PXDNL: variants seen among roughly 807,000 people sequenced by gnomAD.
PXDNL encodes the protein peroxidasin like.
In PXDNL, 145 loss-of-function variants were observed where a neutral mutation model predicts 150.8. The ratio of observed to expected loss-of-function variants is 0.96; its 90% CI spans 0.84 to 1.10. PXDNL has a LOEUF of 1.10. Among genes scored for constraint, PXDNL ranks in the 50% least tolerant of loss-of-function variants. The pLI is 0.00. For synonymous variants in PXDNL, 757 were observed against 725.7 expected (o/e 1.04, Z -0.69); for missense variants, 2,087 against 1,873.9 (o/e 1.11, Z -2.10).
intron 1 of PXDNL, among the ~76,000 whole-genome samples, chr8:51,761,598 T>G (rs567632782): frequency 6.6e-6 from 1 of 152,310 alleles, no homozygotes; most frequent in East Asian, 1.9e-4. Context: ...TTAAAGCTCT[T>G]AATAGATTTG....
At chr8:51,431,771 C>T (rs568422932) in intron 12 of PXDNL, among the ~76,000 whole-genome samples, 7 of 152,326 alleles carry the variant, frequency 4.6e-5, no homozygotes, top group Admixed American at 6.5e-5. Flanking sequence ...CTTAGGTCCA[C>T]GCTCAGAAAC....
At position 51,538,582 on chromosome 8, in the gene PXDNL, A is replaced by G. The variant is rs530823532; in HGVS notation, c.380+18258T>C. ...AGAGTTTGAGACCAGGCTGGCCAAC[A>G]TGATGAAACCTCGTCTCTACTAAAA... On this transcript the variant is annotated intron_variant, in intron 4 of 22. Transcript: ENST00000356297. 5.3e-5 allele frequency among the ~76,000 whole-genome samples: 8 copies of G among 152,290 alleles called. No homozygotes were observed. In the South Asian group the frequency reaches 1.2e-3, roughly 24 times the overall value.
chr8:51,632,555 T>C (rs1380767549), intron 2 of PXDNL, among the ~76,000 whole-genome samples: 1 of 152,196 alleles, frequency 6.6e-6, no homozygotes. Flanking sequence ...TGAACTATGA[T>C]TGCATTACTG....
chr8:51,689,283 C>A (rs1815939280), intron 1 of PXDNL, among the ~76,000 whole-genome samples: 1 of 151,810 alleles, frequency 6.6e-6, no homozygotes. Context: ...CAGCTCTCTG[C>A]ACTCAGCTCC....
chr8:51,756,511 A>G (rs986304398), intron 1 of PXDNL, among the ~76,000 whole-genome samples: 6 of 152,134 alleles, frequency 3.9e-5, no homozygotes, highest in African/African-American at 1.4e-4. Flanking sequence ...TAGAAAACCT[A>G]TGATTAAGAC....
chr8:51,715,627 C>A (rs1230282347), intron 1 of PXDNL, among the ~76,000 whole-genome samples: 1 of 152,148 alleles, frequency 6.6e-6, no homozygotes, highest in Non-Finnish European at 1.5e-5. Flanking sequence ...CAACACGTAG[C>A]AAAGCACCTG....
At chr8:51,788,895 C>T (rs1469346368) in intron 1 of PXDNL, among the ~76,000 whole-genome samples, 2 of 152,216 alleles carry the variant, frequency 1.3e-5, no homozygotes, top group Non-Finnish European at 2.9e-5. Context: ...AACTGCCTTC[C>T]AGAGCACCAA....
chr8:51,473,755 A>C (rs960981742), intron 7 of PXDNL, among the ~76,000 whole-genome samples: 29 of 152,168 alleles, frequency 1.9e-4, no homozygotes, highest in African/African-American at 6.5e-4. Context: ...TAAAAAAAAA[A>C]AAAAAAAACA....
At chr8:51,421,639 C>T (rs1222250461) in intron 14 of PXDNL, among the ~76,000 whole-genome samples, 1 of 152,124 alleles carries the variant, frequency 6.6e-6, no homozygotes, top group Non-Finnish European at 1.5e-5. Flanking sequence ...TCGGAAGTTG[C>T]AGTGAGCCGA....
chr8:51,475,292 G>T (rs922272124), intron 6 of PXDNL, among the ~76,000 whole-genome samples, 151 bp from the exon 7 acceptor site: 5 of 152,120 alleles, frequency 3.3e-5, no homozygotes, highest in African/African-American at 1.2e-4. Context: ...CAGATTTTAA[G>T]AATCACTTAA....
intron 1 of PXDNL, among the ~76,000 whole-genome samples, chr8:51,659,697 T>C (rs1348818447): frequency 6.6e-6 from 1 of 152,210 alleles, no homozygotes; most frequent in South Asian, 2.1e-4. Flanking sequence ...TGCAGAAATG[T>C]GCAGAGAAAG....
At chr8:51,490,066 G>C (rs1283728885) in intron 5 of PXDNL, among the ~76,000 whole-genome samples, 1 of 152,130 alleles carries the variant, frequency 6.6e-6, no homozygotes, top group Non-Finnish European at 1.5e-5. Context: ...TAATTTGATT[G>C]TATAAAAAAT....
At chr8:51,421,454 C>T (rs1215893761) in intron 14 of PXDNL, among the ~76,000 whole-genome samples, 1 of 152,138 alleles carries the variant, frequency 6.6e-6, no homozygotes, top group African/African-American at 2.4e-5. Context: ...AATCCCAGCA[C>T]TTTGGGAGGC....
chr8:51,718,415 T>G (rs1227486529), intron 1 of PXDNL, among the ~76,000 whole-genome samples: 1 of 152,232 alleles, frequency 6.6e-6, no homozygotes, highest in Non-Finnish European at 1.5e-5. Flanking sequence ...TGAAAAAAAG[T>G]AGAAGTTATC....
chr8:51,448,131 A>C (rs973338165), intron 11 of PXDNL, among the ~76,000 whole-genome samples: 1 of 152,246 alleles, frequency 6.6e-6, no homozygotes, highest in African/African-American at 2.4e-5. Context: ...TACCTGAACT[A>C]ATATGGAAAG....
In PXDNL at chr8:51,440,444, T is replaced by C. The variant is rs559464108; in HGVS notation, c.1525+6560A>G. On this transcript the variant is annotated intron_variant, in intron 12 of 22. Transcript: ENST00000356297. ...ACCTACTGAAATTTAAAAAAATCCATTGAAAAATAATAATAATAATAATAA... is the reference window on the plus strand; with the variant it reads ...ACCTACTGAAATTTAAAAAAATCCACTGAAAAATAATAATAATAATAATAA... Among the ~76,000 whole-genome samples the C allele has an allele frequency of 8.3e-5, 3 of 36,286 alleles. No individual in the cohort carries two copies. In the South Asian group the frequency reaches 5.8e-3, roughly 71 times the overall value. The allele number at this position is 36,286 out of a possible 152,430, so 23.8% of individuals were successfully genotyped here. A position where few individuals can be genotyped will look rare whatever the true frequency, so the allele number is the denominator to read the frequency against.
At chr8:51,534,638 A>AC (rs574719206) in intron 4 of PXDNL, among the ~76,000 whole-genome samples, 6 of 42 alleles carry the variant, frequency 0.14, 3 homozygotes, top group Non-Finnish European at 0.27. Flanking sequence ...ATCAGCCCCC[A>AC]CTGGCCAGCC....
intron 3 of PXDNL, among the ~76,000 whole-genome samples, chr8:51,590,703 G>A (rs13271101): frequency 0.48 from 72,371 of 151,914 alleles, 21,520 homozygotes; most frequent in African/African-American, 0.85. Context: ...CAACATTGTC[G>A]TATTTTGGAA....
chr8:51,466,080 G>T (rs1187725565), intron 8 of PXDNL, among the ~76,000 whole-genome samples: 1 of 151,546 alleles, frequency 6.6e-6, no homozygotes, highest in African/African-American at 2.4e-5. Flanking sequence ...CAGAAAAAGA[G>T]CCTGAGTAGC....
Sources: allele counts gnomAD v4.1 joint callset (sites outside exome capture counted in the v4.1 genomes callset), GRCh38; gene constraint gnomAD v4.1.1; transcripts MANE v1.5; gene names NCBI Gene and HGNC (gene_info 2026-07-23, HGNC 2026-07-21).